The following STX4 variants were observed in gnomAD, a reference collection of about 807,000 sequenced individuals.
STX4 encodes syntaxin-4.
In STX4, 24 loss-of-function variants were observed where a neutral mutation model predicts 41.8. That is an observed-to-expected ratio of 0.57 (90% CI 0.42 to 0.81). STX4 has a LOEUF of 0.81. Ranked by LOEUF, STX4 falls within the 30% of genes least tolerant of loss-of-function variation. The pLI, the probability that STX4 is intolerant of heterozygous loss-of-function variation, is 0.00. For missense variants in STX4, 316 were observed against 389.9 expected (o/e 0.81, Z 1.60); for synonymous variants, 158 against 156.4 (o/e 1.01, Z -0.08).
At chr16:31,034,422 G>A (rs201021466) in intron 3 of STX4, 40 bp from the exon 4 acceptor site, 3 of 1,600,270 alleles carry the variant, frequency 1.9e-6, no homozygotes, top group African/African-American at 2.7e-5. Flanking sequence ...TTGTTGAGGT[G>A]GGGGCTGCTG....
chr16:31,039,765 C>G lies in STX4; in HGVS notation c.856C>G (p.Leu286Val). ...CATCTGTGTGTCCATCACCGTCGTCCTCCTAGCAGTCATCATTGGCGTCAC... is the reference window on the plus strand; with the variant it reads ...CATCTGTGTGTCCATCACCGTCGTCGTCCTAGCAGTCATCATTGGCGTCAC... ...IAICVSITVV[L>V]LAVIIGVTVV... Residue 286 changes from leucine to valine, a missense_variant, in exon 10 of 11, where the codon CTC becomes GTC. Coordinates refer to ENST00000313843, the MANE Select transcript of STX4 (RefSeq NM_004604.5). This position sits in a 1 kb window ranked among gnomAD's most constrained non-coding sequence, Gnocchi z 4.1. 1 of 1,614,240 alleles carries G rather than the reference C, an allele frequency of 6.2e-7. No individual in the cohort carries two copies. The highest frequency in any genetic ancestry group is 8.5e-7 in the Non-Finnish European group (1 of 1,180,044).
Position 31,035,036 on chromosome 16 carries a change from C to T in STX4, c.374C>T (p.Thr125Ile), listed in dbSNP as rs192745083. Residue 125 changes from threonine to isoleucine, a missense_variant, in exon 5 of 11, where the codon ACC (threonine) becomes ATC (isoleucine). Transcript: ENST00000313843. ...YNSVNTRMRK[T>I]QHGVLSQQFV... ...TCCGTCAACACAAGAATGAGAAAAACCCAGGTGGGTTTTTTTTCTCAGAAA... is the reference window on the plus strand; with the variant it reads ...TCCGTCAACACAAGAATGAGAAAAATCCAGGTGGGTTTTTTTTCTCAGAAA... The T allele has an allele frequency of 3.7e-6, 6 of 1,603,118 alleles. No homozygotes were observed. Among genetic ancestry groups the T allele is most frequent in the East Asian group, 4.5e-5 (2 of 44,568 alleles).
At chr16:31,034,899 T>G in intron 4 of STX4, 71 bp from the exon 5 acceptor site, 1 of 1,344,710 alleles carries the variant, frequency 7.4e-7, no homozygotes, top group South Asian at 1.4e-5. Flanking sequence ...TTAGTCATTT[T>G]ATGATAAATT....
chr16:31,033,737 CG>C lies in STX4; in HGVS notation c.-65del. Reference sequence around the variant, plus strand: ...AGGGAGGGGAGTGTCAGAGTGTGAGCGGGGTACGGGAATTCCAAATTTGAGG... The same window carrying C: ...AGGGAGGGGAGTGTCAGAGTGTGAGCGGGTACGGGAATTCCAAATTTGAGG... On this transcript the variant is annotated 5_prime_UTR_variant, in exon 1 of 11. Transcript: ENST00000313843. This position sits in a 1 kb window ranked among gnomAD's most constrained non-coding sequence, Gnocchi z 5.5. 2 of 1,449,914 alleles carry C rather than the reference CG, an allele frequency of 1.4e-6. No homozygotes were observed. Among genetic ancestry groups the C allele is most frequent in the Non-Finnish European group, 1.8e-6 (2 of 1,100,704 alleles). The allele number at this position is 1,449,914 out of a possible 1,614,324, so 89.8% of individuals were successfully genotyped here.
At chr16:31,033,436 C>T (rs1161874892), upstream of STX4, 5 of 1,515,182 alleles carry the variant, frequency 3.3e-6, no homozygotes, top group South Asian at 1.2e-5. The surrounding 1 kb of genome is among the most constrained non-coding windows in gnomAD (Gnocchi z 5.5). Flanking sequence ...AGCAAGTTCT[C>T]GCGTCCAGGC....
intron 7 of STX4, 128 bp downstream of exon 7, chr16:31,038,318 C>T (rs2056818775): frequency 7.4e-7 from 1 of 1,348,284 alleles, no homozygotes; most frequent in African/African-American, 1.4e-5. Flanking sequence ...ACTATAGGTG[C>T]AAGCCACTGC....
chr16:31,037,970 C>G lies in STX4; in HGVS notation c.423C>G (p.Cys141Trp). 6.2e-7 allele frequency: 1 copy of G among 1,614,140 alleles called. No homozygotes were observed. Among genetic ancestry groups the G allele is most frequent in the Non-Finnish European group, 8.5e-7 (1 of 1,180,014 alleles). Residue 141 changes from cysteine to tryptophan, a missense_variant, in exon 6 of 11, where the codon TGC (cysteine) becomes TGG (tryptophan). Transcript: ENST00000313843. ...AATTCGTGGAGCTCATCAACAAGTG[C>G]AATTCAATGCAGTCCGAATACCGGG... ...SQQFVELINK[C>W]NSMQSEYREK...
Position 31,038,142 on chromosome 16 carries a change from G to C in STX4, c.516G>C (p.Glu172Asp). 4 of 1,614,176 alleles carry C rather than the reference G, an allele frequency of 2.5e-6. No individual in the cohort carries two copies. Among genetic ancestry groups the C allele is most frequent in the Non-Finnish European group, 2.5e-6 (3 of 1,180,024 alleles). The change falls in exon 7 of 11, where the codon GAG becomes GAC. Residue 172 changes from glutamate (E) to aspartate (D), a missense_variant. Coordinates refer to ENST00000313843, the MANE Select transcript of STX4 (RefSeq NM_004604.5). ...ATGCTGGGATGGTGTCTGATGAGGA[G>C]TTGGAGCAGATGCTGGACAGTGGGC... ...ITNAGMVSDE[E>D]LEQMLDSGQS...
At chr16:31,036,072 C>T (rs1284020549) in intron 5 of STX4, among the ~76,000 whole-genome samples, 4 of 152,106 alleles carry the variant, frequency 2.6e-5, no homozygotes, top group African/African-American at 7.2e-5. Context: ...AGCCACCGCG[C>T]GCGGCCCCTG....
chr16:31,039,304 T>G lies in STX4; in HGVS notation c.703-237T>G. 1 of 509,462 alleles carries G rather than the reference T, an allele frequency of 2.0e-6. No individual in the cohort carries two copies. Among genetic ancestry groups the G allele is most frequent in the Non-Finnish European group, 3.5e-6 (1 of 281,966 alleles). 31.6% of individuals were successfully genotyped at this position (509,462 alleles called of 1,614,324 possible). On this transcript the variant is annotated intron_variant, in intron 8 of 10. Transcript: ENST00000313843. This position sits in a 1 kb window ranked among gnomAD's most constrained non-coding sequence, Gnocchi z 4.1. ...GTATGAGCCATTTGAGGCCCTTAGC[T>G]CCAAGCTACCACTGCAGATAGAGGT... is the stretch of plus-strand genomic sequence containing the variant.
chr16:31,033,507 G>T (rs1028021905), upstream of STX4: 1 of 1,550,514 alleles, frequency 6.4e-7, no homozygotes, highest in African/African-American at 1.4e-5. The surrounding 1 kb of genome is among the most constrained non-coding windows in gnomAD (Gnocchi z 5.5). Context: ...CTCGGGCAAG[G>T]AAGAGACGCG....
rs1339376505 is a variant in STX4, at chr16:31,034,325, A to C, written c.232A>C (p.Ser78Arg). ...TILATPLPEE[S>R]MKQELQNLRD... is the part of the protein sequence containing the mutation. ...CCTGGCCACGCCCCTTCCCGAGGAGAGTGAGTGAAACCCCGGCTGCAGGGC... is the reference window on the plus strand; with the variant it reads ...CCTGGCCACGCCCCTTCCCGAGGAGCGTGAGTGAAACCCCGGCTGCAGGGC... The change falls in exon 3 of 11, where the codon AGC becomes CGC. Residue 78 changes from serine (S) to arginine (R), a missense_variant and splice_region_variant. By Grantham distance (110) the Ser-to-Arg change is moderately radical. Coordinates refer to ENST00000313843, the MANE Select transcript of STX4 (RefSeq NM_004604.5). 4 of 1,613,814 alleles carry C rather than the reference A, an allele frequency of 2.5e-6. No homozygotes were observed. The African/African-American group carries it at 4.0e-5, about 16-fold the overall frequency.
In STX4 at chr16:31,034,263, A is replaced by G. The variant is rs139470583; in HGVS notation, c.170A>G (p.Asn57Ser). ...CGGCAGACTATTGTCAAACTGGGGA[A>G]TAAAGTCCAGGAGTTGGAGAAACAG... is the stretch of plus-strand genomic sequence containing the variant. ...TIRQTIVKLG[N>S]KVQELEKQQV... is the part of the protein sequence containing the mutation. The change falls in exon 3 of 11, where the codon AAT becomes AGT. Residue 57 changes from asparagine (N) to serine (S), a missense_variant. Coordinates refer to ENST00000313843, the MANE Select transcript of STX4 (RefSeq NM_004604.5). 3.1e-6 allele frequency: 5 copies of G among 1,614,044 alleles called. No homozygotes were observed. The African/African-American group carries it at 4.0e-5, about 13-fold the overall frequency.
At chr16:31,033,229 C>T, upstream of STX4, 1 of 652,194 alleles carries the variant, frequency 1.5e-6, no homozygotes. This position sits in a 1 kb window ranked among gnomAD's most constrained non-coding sequence, Gnocchi z 5.5. Context: ...ACGGCGGTGA[C>T]AGAGCCGGGA....
rs1439387860 is a variant in STX4 at position 31,038,006 on chromosome 16, G to A, written c.459G>A (p.Val153=). The change falls in exon 6 of 11, where the codon GTG becomes GTA. Residue 153 remains valine (V), a synonymous_variant. Transcript: ENST00000313843. ...SMQSEYREKN[V]ERIRRQLKIT... ...AGTCCGAATACCGGGAGAAGAACGT[G>A]GAGCGGATTCGGAGGCAGCTGAAGA... 3 of 1,614,180 alleles carry A rather than the reference G, an allele frequency of 1.9e-6. No homozygotes were observed. Among genetic ancestry groups the A allele is most frequent in the Admixed American group, 1.7e-5 (1 of 60,018 alleles).
In STX4 at chr16:31,039,777, A is replaced by G; in HGVS notation, c.868A>G (p.Ile290Val). 1 of 1,614,188 alleles carries G rather than the reference A, an allele frequency of 6.2e-7. No individual in the cohort carries two copies. The highest frequency in any genetic ancestry group is 1.3e-5 in the African/African-American group (1 of 75,046). The change falls in exon 10 of 11, where the codon ATC (isoleucine) becomes GTC (valine). Residue 290 changes from isoleucine (I) to valine (V), a missense_variant. By Grantham distance (29) the Ile-to-Val change is conservative. Transcript: ENST00000313843. This position sits in a 1 kb window ranked among gnomAD's most constrained non-coding sequence, Gnocchi z 4.1. ...VSITVVLLAV[I>V]IGVTVVG The stretch of plus-strand genomic sequence containing the variant: ...CATCACCGTCGTCCTCCTAGCAGTC[A>G]TCATTGGCGTCACAGTGGTTGGATA...
rs1410956678 is a variant in STX4 at position 31,035,019 on chromosome 16, C to T, written c.357C>T (p.Asn119=). The change falls in exon 5 of 11, where the codon AAC becomes AAT. Residue 119 remains asparagine, a synonymous_variant. Coordinates refer to ENST00000313843, the MANE Select transcript of STX4 (RefSeq NM_004604.5). ...EEADENYNSV[N]TRMRKTQHGV... is the part of the protein sequence containing the mutation. Reference sequence around the variant, plus strand: ...CTGATGAGAACTATAACTCCGTCAACACAAGAATGAGAAAAACCCAGGTGG... The same window carrying T: ...CTGATGAGAACTATAACTCCGTCAATACAAGAATGAGAAAAACCCAGGTGG... 1.1e-5 allele frequency: 18 copies of T among 1,609,660 alleles called. No individual in the cohort carries two copies. The highest frequency in any genetic ancestry group is 1.5e-5 in the Non-Finnish European group (18 of 1,178,670).
In STX4 at chr16:31,040,075, C is replaced by T. The variant is rs1042140709; in HGVS notation, c.*179C>T. On this transcript the variant is annotated 3_prime_UTR_variant, in exon 11 of 11. Transcript: ENST00000313843. ...GCTCATTCATGATGGCCTCCTCCTT[C>T]AGGCCTCAATGCCTGGGGGAGGCCT... is the stretch of plus-strand genomic sequence containing the variant. 9 of 542,602 alleles carry T rather than the reference C, an allele frequency of 1.7e-5. No homozygotes were observed. The highest frequency in any genetic ancestry group is 2.3e-5 in the Non-Finnish European group (7 of 301,290). The allele number at this position is 542,602 out of a possible 1,614,324, so 33.6% of individuals were successfully genotyped here.
At position 31,040,113 on chromosome 16, in the gene STX4, T is replaced by C. The variant is rs1002986357; in HGVS notation, c.*217T>C. 4.6e-6 allele frequency: 2 copies of C among 434,004 alleles called. No homozygotes were observed. Among genetic ancestry groups the C allele is most frequent in the East Asian group, 4.0e-5 (1 of 24,894 alleles). The allele number at this position is 434,004 out of a possible 1,614,324, so 26.9% of individuals were successfully genotyped here. On this transcript the variant is annotated 3_prime_UTR_variant, in exon 11 of 11. Coordinates refer to ENST00000313843, the MANE Select transcript of STX4 (RefSeq NM_004604.5). ...CTGGGGGAGGCCTGCACTGTCCTGA[T>C]TGGCCGGGACACACGGTTTTGTAAA...
Sources: allele counts gnomAD v4.1 joint callset (sites outside exome capture counted in the v4.1 genomes callset), GRCh38; gene constraint gnomAD v4.1.1; non-coding constraint Gnocchi (gnomAD v3.1); transcripts MANE v1.5; gene names NCBI Gene and HGNC (gene_info 2026-07-23, HGNC 2026-07-21).